The following THSD7B variants were observed in gnomAD, a reference collection of about 807,000 sequenced individuals.
THSD7B encodes thrombospondin type-1 domain-containing protein 7B.
In THSD7B, 138 loss-of-function variants were observed where a neutral mutation model predicts 213.6. The observed-to-expected ratio is 0.65, with a 90% CI of 0.56 to 0.74. The LOEUF is 0.74. Among genes scored for constraint, THSD7B ranks in the 30% least tolerant of loss-of-function variants. THSD7B has a pLI of 0.00. For synonymous variants in THSD7B, 742 were observed against 687.0 expected (o/e 1.08, Z -1.25); for missense variants, 1,931 against 1,991.5 (o/e 0.97, Z 0.58).
intron 1 of THSD7B, among the ~76,000 whole-genome samples, chr2:136,773,322 A>G (rs1181801406): frequency 4.6e-5 from 7 of 152,130 alleles, no homozygotes; most frequent in Non-Finnish European, 4.4e-5. Context: ...AAATATAGAA[A>G]TAGTGAGTGA....
chr2:137,129,845 G>C (rs1286831101), intron 5 of THSD7B, among the ~76,000 whole-genome samples: 1 of 152,100 alleles, frequency 6.6e-6, no homozygotes, highest in African/African-American at 2.4e-5. Context: ...TTGGGTGGCG[G>C]GGTCCTAACT....
intron 6 of THSD7B, among the ~76,000 whole-genome samples, chr2:137,167,159 C>T (rs1199998014): frequency 6.6e-6 from 1 of 151,592 alleles, no homozygotes; most frequent in African/African-American, 2.4e-5. Context: ...TTTGTTTAAC[C>T]TGCTAGACTT....
intron 2 of THSD7B, among the ~76,000 whole-genome samples, chr2:136,988,857 C>T (rs1685713889): frequency 6.6e-6 from 1 of 152,198 alleles, no homozygotes; most frequent in African/African-American, 2.4e-5. Context: ...TCATTTTGTG[C>T]ACTGGCCTAG....
At position 136,893,784 on chromosome 2, in the gene THSD7B, G is replaced by C. The variant is rs1683905085; in HGVS notation, c.139+11467G>C. 2.0e-5 allele frequency among the ~76,000 whole-genome samples: 3 copies of C among 152,140 alleles called. No individual in the cohort carries two copies. The South Asian group carries it at 6.2e-4, about 32-fold the overall frequency. On this transcript the variant is annotated intron_variant, in intron 2 of 27. Coordinates refer to ENST00000409968, the MANE Select transcript of THSD7B (RefSeq NM_001316349.2). Reference sequence around the variant, plus strand: ...TATAGCCACAGATGACATATATGCTGTAGATATTAGGGCCACAGATGTTAT... The same window carrying C: ...TATAGCCACAGATGACATATATGCTCTAGATATTAGGGCCACAGATGTTAT...
rs550102239 is a variant in THSD7B at position 137,129,501 on chromosome 2, G to A, written c.1369+14208G>A. 7.3e-5 allele frequency among the ~76,000 whole-genome samples: 11 copies of A among 151,530 alleles called. No homozygotes were observed. The East Asian group carries it at 7.8e-4, about 11-fold the overall frequency. Reference sequence around the variant, plus strand: ...GTCACCCAGGCTGGAGTGTGGTGGCGCCATATCAGGTTACTGTAGCCTCAG... The same window carrying A: ...GTCACCCAGGCTGGAGTGTGGTGGCACCATATCAGGTTACTGTAGCCTCAG... On this transcript the variant is annotated intron_variant, in intron 5 of 27. Coordinates refer to ENST00000409968, the MANE Select transcript of THSD7B (RefSeq NM_001316349.2).
intron 14 of THSD7B, among the ~76,000 whole-genome samples, chr2:137,441,427 T>A (rs1485216324): frequency 6.6e-6 from 1 of 152,152 alleles, no homozygotes; most frequent in East Asian, 1.9e-4. Flanking sequence ...ATTGTCTTCT[T>A]AATTTAATTT....
rs372615738 is a variant in THSD7B, at chr2:137,453,910, G to T, written c.3138+2887G>T. 3.9e-5 allele frequency among the ~76,000 whole-genome samples: 6 copies of T among 152,254 alleles called. No homozygotes were observed. In the South Asian group the frequency reaches 1.2e-3, roughly 32 times the overall value. On this transcript the variant is annotated intron_variant, in intron 15 of 27. Coordinates refer to ENST00000409968, the MANE Select transcript of THSD7B (RefSeq NM_001316349.2). ...ATTTCACTTATCATAAGGTTTTCCA[G>T]TTGCATCCATGTAGTCTCAAATAGC... is the stretch of plus-strand genomic sequence containing the variant.
chr2:137,226,301 T>G (rs1681503280), intron 7 of THSD7B, among the ~76,000 whole-genome samples: 1 of 151,830 alleles, frequency 6.6e-6, no homozygotes, highest in African/African-American at 2.4e-5. Flanking sequence ...AATGTTGGTC[T>G]ACTTTTCAAA....
intron 5 of THSD7B, among the ~76,000 whole-genome samples, chr2:137,158,210 A>G (rs1353018961): frequency 6.6e-6 from 1 of 152,076 alleles, no homozygotes; most frequent in African/African-American, 2.4e-5. Context: ...GATTTCCTCA[A>G]CCCTGGGGAT....
At chr2:137,359,455 T>TG (rs755274477) in intron 12 of THSD7B, among the ~76,000 whole-genome samples, 5 of 151,982 alleles carry the variant, frequency 3.3e-5, no homozygotes, top group Admixed American at 6.6e-5. Flanking sequence ...GATGAAACCT[T>TG]GGGGGGTGCT....
chr2:136,979,967 ATGT>A (rs753247506), intron 2 of THSD7B, among the ~76,000 whole-genome samples: 1 of 150,072 alleles, frequency 6.7e-6, no homozygotes. Flanking sequence ...TTTTTTGTTG[ATGT>A]TGTTGTTGCT....
chr2:136,998,261 C>CAAAAAAAAAAAAAAAAAAAAGAAA (rs1685931585), intron 2 of THSD7B, among the ~76,000 whole-genome samples: 11 of 98,368 alleles, frequency 1.1e-4, no homozygotes, highest in Non-Finnish European at 1.3e-4. Flanking sequence ...ACTAAAAGGC[C>CAAAAAAAAAAAAAAAAAAAAGAAA]AAAAAAAAAA....
intron 1 of THSD7B, among the ~76,000 whole-genome samples, chr2:136,852,278 T>C (rs1469681601): frequency 6.6e-6 from 1 of 151,810 alleles, no homozygotes; most frequent in Non-Finnish European, 1.5e-5. Context: ...TTCTAGAAGG[T>C]AAGGCAGTCC....
chr2:137,010,839 TATCA>T (rs1010472648), intron 2 of THSD7B, among the ~76,000 whole-genome samples: 1 of 152,180 alleles, frequency 6.6e-6, no homozygotes, highest in African/African-American at 2.4e-5. Context: ...AGAATTAAAA[TATCA>T]ATCAATCTCT....
chr2:137,261,223 A>G (rs1243161501), intron 10 of THSD7B, among the ~76,000 whole-genome samples: 2 of 151,574 alleles, frequency 1.3e-5, no homozygotes, highest in Non-Finnish European at 2.9e-5. Flanking sequence ...GTGTAGGAAC[A>G]TGGGAAGAGG....
intron 21 of THSD7B, among the ~76,000 whole-genome samples, chr2:137,643,219 A>G (rs1015478606): frequency 1.2e-4 from 19 of 152,338 alleles, no homozygotes; most frequent in African/African-American, 4.6e-4. Flanking sequence ...ATCAGCAAAG[A>G]TCCTCTACTG....
chr2:137,008,875 C>G (rs1461345689), intron 2 of THSD7B, among the ~76,000 whole-genome samples: 2 of 152,100 alleles, frequency 1.3e-5, no homozygotes, highest in Admixed American at 1.3e-4. Flanking sequence ...ATGAAGTCCC[C>G]ACATACAAAC....
intron 14 of THSD7B, among the ~76,000 whole-genome samples, chr2:137,439,558 A>G (rs1161563994): frequency 2.0e-5 from 3 of 152,106 alleles, no homozygotes; most frequent in African/African-American, 4.8e-5. Context: ...ATAATGCACA[A>G]TCAGTCAGGA....
chr2:137,053,233 C>T (rs2104873427), intron 2 of THSD7B, among the ~76,000 whole-genome samples: 1 of 152,076 alleles, frequency 6.6e-6, no homozygotes, highest in East Asian at 1.9e-4. Context: ...GCTTAATATT[C>T]CTTTGGATAA....
Sources: gnomAD v4.1 joint callset for allele counts (sites outside exome capture counted in the v4.1 genomes callset) on GRCh38, gnomAD v4.1.1 for gene constraint, MANE v1.5 for transcripts, NCBI Gene and HGNC (gene_info 2026-07-23, HGNC 2026-07-21) for gene names.